The following BTBD9 variants were observed in gnomAD, a reference collection of about 807,000 sequenced individuals.
BTBD9 encodes BTB domain containing 9.
A neutral mutation model predicts 64.3 loss-of-function variants in BTBD9; 49 were observed. That is an observed-to-expected ratio of 0.76 (90% CI 0.61 to 0.97). The LOEUF is 0.97. BTBD9 is among the 50% of genes least tolerant of loss of function. BTBD9 has a pLI of 0.00. For synonymous variants in BTBD9, 260 were observed against 274.7 expected, an observed-to-expected ratio of 0.95 and a Z score of 0.53; for missense variants, 598 against 762.1, an observed-to-expected ratio of 0.78 and a Z score of 2.53.
At chr6:38,243,481 G>A (rs962781811) in intron 9 of BTBD9, among the ~76,000 whole-genome samples, 2 of 152,116 alleles carry the variant, frequency 1.3e-5, no homozygotes, top group African/African-American at 4.8e-5. Context: ...AGTATTGAGG[G>A]AAACTCACTA....
At chr6:38,466,098 A>G (rs1453491678) in intron 6 of BTBD9, among the ~76,000 whole-genome samples, 1 of 151,316 alleles carries the variant, frequency 6.6e-6, no homozygotes, top group Non-Finnish European at 1.5e-5. Flanking sequence ...CATGCATGTG[A>G]GCCACTGTGC....
At chr6:38,566,317 GTC>G (rs1775514483) in intron 6 of BTBD9, among the ~76,000 whole-genome samples, 3 of 128,236 alleles carry the variant, frequency 2.3e-5, no homozygotes, top group African/African-American at 8.1e-5. Flanking sequence ...TCTTAAAGAA[GTC>G]AAGTATATGA....
chr6:38,619,873 C>T lies in BTBD9; in HGVS notation c.-28+19927G>A, dbSNP rs185081078. ...GCCTTTCTTGTTATGCCTGAAAGTC[C>T]CACACCCTTATTAGGGAGGGACATA... is the stretch of plus-strand genomic sequence containing the variant. On this transcript the variant is annotated intron_variant, in intron 1 of 10. Coordinates refer to ENST00000481247, the MANE Select transcript of BTBD9 (RefSeq NM_001099272.2). Among the ~76,000 whole-genome samples, 6 of 152,224 alleles carry T rather than the reference C, an allele frequency of 3.9e-5. No homozygotes were observed. The East Asian group carries it at 1.2e-3, about 29-fold the overall frequency.
At chr6:38,328,567 G>GTGTGTGTGTGTGTGTC (rs1157651468) in intron 7 of BTBD9, among the ~76,000 whole-genome samples, 367 of 37,956 alleles carry the variant, frequency 9.7e-3, no homozygotes, top group Middle Eastern at 0.093. Flanking sequence ...AAGCCACCGT[G>GTGTGTGTGTGTGTGTC]TGTGTGTGTG....
At chr6:38,380,825 A>C (rs12181218) in intron 6 of BTBD9, among the ~76,000 whole-genome samples, 7,927 of 152,282 alleles carry the variant, frequency 0.052, 652 homozygotes, top group African/African-American at 0.18. Context: ...AGCCTGGGCA[A>C]CAGAGCGAGA....
intron 6 of BTBD9, among the ~76,000 whole-genome samples, chr6:38,423,292 T>C (rs1426782406): frequency 1.3e-5 from 2 of 151,764 alleles, no homozygotes; most frequent in Non-Finnish European, 2.9e-5. Context: ...AATTAAAACC[T>C]TATTATTATT....
intron 6 of BTBD9, among the ~76,000 whole-genome samples, chr6:38,551,334 T>C (rs1390358589): frequency 6.6e-6 from 1 of 152,148 alleles, no homozygotes; most frequent in Non-Finnish European, 1.5e-5. Context: ...TGTTTAAAGA[T>C]ACAGAACAAT....
chr6:38,308,965 G>T (rs757048952), intron 7 of BTBD9, among the ~76,000 whole-genome samples: 12 of 151,842 alleles, frequency 7.9e-5, no homozygotes, highest in Admixed American at 2.0e-4. Flanking sequence ...TTAAAGGGTC[G>T]TCAGGTCACA....
intron 6 of BTBD9, among the ~76,000 whole-genome samples, chr6:38,413,204 A>G (rs559189784): frequency 6.6e-6 from 1 of 151,840 alleles, no homozygotes; most frequent in Non-Finnish European, 1.5e-5. Flanking sequence ...CCAAACTTAG[A>G]CTCCTCTTCA....
At chr6:38,450,372 C>T (rs772813274) in intron 6 of BTBD9, among the ~76,000 whole-genome samples, 5 of 152,086 alleles carry the variant, frequency 3.3e-5, no homozygotes, top group African/African-American at 9.7e-5. Flanking sequence ...CAGCTAATGA[C>T]GATTTACGGC....
intron 7 of BTBD9, among the ~76,000 whole-genome samples, chr6:38,294,352 T>C (rs921363493): frequency 2.6e-5 from 4 of 152,176 alleles, no homozygotes; most frequent in African/African-American, 9.7e-5. Flanking sequence ...CATGCTGCTA[T>C]AAAGAGACAT....
At chr6:38,465,834 CTT>C (rs368219474) in intron 6 of BTBD9, among the ~76,000 whole-genome samples, 1 of 69,622 alleles carries the variant, frequency 1.4e-5, no homozygotes, top group Non-Finnish European at 2.7e-5. Context: ...TTCTTTTTTC[CTT>C]TTTTTTTTTT....
At chr6:38,263,294 T>C (rs550544731) in intron 8 of BTBD9, among the ~76,000 whole-genome samples, 1 of 152,384 alleles carries the variant, frequency 6.6e-6, no homozygotes, top group African/African-American at 2.4e-5. Flanking sequence ...TTTCATCCTT[T>C]GTGACATTAA....
chr6:38,287,273 T>C (rs533511019), intron 8 of BTBD9, among the ~76,000 whole-genome samples: 1 of 151,534 alleles, frequency 6.6e-6, no homozygotes, highest in South Asian at 2.1e-4. Flanking sequence ...CCATTCATGG[T>C]AAGTGCCCTA....
rs570468485 is a variant in BTBD9 at position 38,488,785 on chromosome 6, C to A, written c.1154+88815G>T. On this transcript the variant is annotated intron_variant, in intron 6 of 10. Coordinates refer to ENST00000481247, the MANE Select transcript of BTBD9 (RefSeq NM_001099272.2). ...TGGTACACATTCATTATAGAATTTT[C>A]ATTAAGAAAATTATTTTTCAATAAG... Among the ~76,000 whole-genome samples, 3 of 151,624 alleles carry A rather than the reference C, an allele frequency of 2.0e-5. No homozygotes were observed. In the East Asian group the frequency reaches 5.8e-4, roughly 29 times the overall value.
intron 9 of BTBD9, among the ~76,000 whole-genome samples, chr6:38,206,525 G>C (rs1444084921): frequency 1.3e-5 from 2 of 151,898 alleles, no homozygotes; most frequent in Non-Finnish European, 2.9e-5. Flanking sequence ...ACAGGCATGA[G>C]ACACTGCACC....
chr6:38,445,439 C>G (rs1035601269), intron 6 of BTBD9, among the ~76,000 whole-genome samples: 3 of 152,126 alleles, frequency 2.0e-5, no homozygotes, highest in Admixed American at 2.0e-4. Context: ...GGGAAGTGAC[C>G]AACCAACCAG....
intron 8 of BTBD9, among the ~76,000 whole-genome samples, chr6:38,264,797 C>T (rs1199979638): frequency 6.6e-6 from 1 of 152,142 alleles, no homozygotes; most frequent in Non-Finnish European, 1.5e-5. Flanking sequence ...ACCATGTTTT[C>T]TTAAAAGTGT....
chr6:38,527,973 T>G (rs970609494), intron 6 of BTBD9, among the ~76,000 whole-genome samples: 2 of 151,950 alleles, frequency 1.3e-5, no homozygotes, highest in Non-Finnish European at 2.9e-5. Context: ...GTCAGGTAAG[T>G]GATCATAATA....
Sources: allele counts gnomAD v4.1 joint callset (sites outside exome capture counted in the v4.1 genomes callset), GRCh38; gene constraint gnomAD v4.1.1; transcripts MANE v1.5; gene names NCBI Gene and HGNC (gene_info 2026-07-23, HGNC 2026-07-21).